DMRT1: variants seen among roughly 807,000 people sequenced by gnomAD.
DMRT1 encodes the protein doublesex- and mab-3-related transcription factor 1.
Under a neutral mutation model 32.3 loss-of-function variants are expected in DMRT1, and 7 were observed. The ratio of observed to expected loss-of-function variants is 0.22; its 90% confidence interval spans 0.12 to 0.41. DMRT1 has a LOEUF of 0.41. DMRT1 is among the 10% of genes least tolerant of loss of function. The pLI, the probability that DMRT1 is intolerant of heterozygous loss-of-function variation, is 1.00. For missense variants in DMRT1, 625 were observed against 500.5 expected, an observed-to-expected ratio of 1.25 and a Z score of -2.37; for synonymous variants, 278 against 206.1, an observed-to-expected ratio of 1.35 and a Z score of -2.99.
At chr9:877,851 G>T (rs536364796) in intron 2 of DMRT1, among the ~76,000 whole-genome samples, 2 of 152,268 alleles carry the variant, frequency 1.3e-5, no homozygotes, top group African/African-American at 4.8e-5. Context: ...GTCCATGGAG[G>T]TGAGAAAAGT....
intron 4 of DMRT1, among the ~76,000 whole-genome samples, chr9:966,197 C>CT (rs1819925535): frequency 6.6e-6 from 1 of 152,122 alleles, no homozygotes; most frequent in African/African-American, 2.4e-5. Context: ...AATTTAAATG[C>CT]ATATAACAAT....
chr9:850,085 C>G (rs1353932224), intron 2 of DMRT1, among the ~76,000 whole-genome samples: 1 of 152,202 alleles, frequency 6.6e-6, no homozygotes, highest in African/African-American at 2.4e-5. Flanking sequence ...TCCCAAAGTT[C>G]TGGGATTACA....
intron 3 of DMRT1, among the ~76,000 whole-genome samples, chr9:909,741 T>C (rs1475666574): frequency 6.6e-6 from 1 of 151,882 alleles, no homozygotes; most frequent in African/African-American, 2.4e-5. Context: ...TGAAACAGGG[T>C]CTTAATCTGT....
chr9:918,067 C>T (rs1413552759), intron 4 of DMRT1, among the ~76,000 whole-genome samples: 1 of 152,180 alleles, frequency 6.6e-6, no homozygotes, highest in African/African-American at 2.4e-5. Context: ...CTTATAAGCT[C>T]CCTAAGGACA....
chr9:893,870 C>G (rs376905445), intron 2 of DMRT1, 42 bp from the exon 3 acceptor site: 2 of 1,587,186 alleles, frequency 1.3e-6, no homozygotes, highest in Non-Finnish European at 1.7e-6. Flanking sequence ...CGTGGACTAA[C>G]ATTAATACCA....
chr9:859,765 A>G (rs550267665), intron 2 of DMRT1, among the ~76,000 whole-genome samples: 20 of 152,190 alleles, frequency 1.3e-4, no homozygotes, highest in Non-Finnish European at 2.5e-4. Flanking sequence ...AAAATGTGTA[A>G]GAAACTCTTA....
chr9:919,425 A>AGGG (rs147912794), intron 4 of DMRT1, among the ~76,000 whole-genome samples: 20 of 52,480 alleles, frequency 3.8e-4, no homozygotes, highest in African/African-American at 1.3e-3. Context: ...GGGCGGGGGG[A>AGGG]GGGGGGCATT....
intron 3 of DMRT1, among the ~76,000 whole-genome samples, chr9:911,712 G>C (rs1817994981): frequency 6.6e-6 from 1 of 152,092 alleles, no homozygotes; most frequent in Non-Finnish European, 1.5e-5. Flanking sequence ...GGCTGGTCTT[G>C]AACTCCTGAC....
At chr9:882,155 G>C (rs1287235897) in intron 2 of DMRT1, among the ~76,000 whole-genome samples, 1 of 152,234 alleles carries the variant, frequency 6.6e-6, no homozygotes, top group Non-Finnish European at 1.5e-5. Context: ...GGGAGAGGCA[G>C]AAACCCCTGC....
intron 1 of DMRT1, among the ~76,000 whole-genome samples, chr9:846,363 A>G (rs1838904361): frequency 6.6e-6 from 1 of 152,054 alleles, no homozygotes; most frequent in Non-Finnish European, 1.5e-5. Flanking sequence ...TAAGTAATGT[A>G]GGATACAATC....
chr9:950,142 T>C (rs906393778), intron 4 of DMRT1, among the ~76,000 whole-genome samples: 1 of 152,016 alleles, frequency 6.6e-6, no homozygotes, highest in Non-Finnish European at 1.5e-5. Flanking sequence ...AGTGGAAAGA[T>C]GTGGGAATTT....
intron 2 of DMRT1, among the ~76,000 whole-genome samples, chr9:878,200 GCC>G: frequency 1.1e-5 from 1 of 94,076 alleles, no homozygotes; most frequent in South Asian, 4.4e-4. Context: ...TGCAGCTGCT[GCC>G]CCCCCCCCAC....
intron 4 of DMRT1, among the ~76,000 whole-genome samples, chr9:918,217 C>G (rs549837200): frequency 5.9e-5 from 9 of 152,334 alleles, no homozygotes; most frequent in African/African-American, 1.9e-4. Context: ...AGGTCAGAAT[C>G]CTAACTGGCC....
intron 2 of DMRT1, among the ~76,000 whole-genome samples, chr9:885,667 G>A (rs945479661): frequency 2.6e-5 from 4 of 152,192 alleles, no homozygotes; most frequent in Admixed American, 1.3e-4. Flanking sequence ...CAGGATGGAG[G>A]CATGGTGGTC....
rs534855771 is a variant in DMRT1, at chr9:895,677, T to C, written c.822+1482T>C. On this transcript the variant is annotated intron_variant, in intron 3 of 4. Transcript: ENST00000382276. ...TCACCTCACATAGTTACCATTTTTA[T>C]GTGTGTGGTTGATAACACTTAAGAT... Among the ~76,000 whole-genome samples, 13 of 152,348 alleles carry C rather than the reference T, an allele frequency of 8.5e-5. No homozygotes were observed. In the South Asian group the frequency reaches 2.3e-3, roughly 27 times the overall value.
At chr9:852,388 A>G (rs906685440) in intron 2 of DMRT1, among the ~76,000 whole-genome samples, 1 of 149,260 alleles carries the variant, frequency 6.7e-6, no homozygotes, top group Non-Finnish European at 1.5e-5. Flanking sequence ...GAACTTTAGC[A>G]TAAAATGTAC....
In DMRT1 at chr9:847,008, C is replaced by T. The variant is rs144994211; in HGVS notation, c.403C>T (p.His135Tyr). The change falls in exon 2 of 5, where the codon CAC (histidine) becomes TAC (tyrosine). Residue 135 changes from histidine (H) to tyrosine (Y), a missense_variant. By Grantham distance (83) the His-to-Tyr change is moderately conservative. Coordinates refer to ENST00000382276, the MANE Select transcript of DMRT1 (RefSeq NM_021951.3). ...QAQEEELGIS[H>Y]PIPLPSAAEL... ...CCAGGAGGAGGAATTGGGTATCAGCCACCCCATCCCACTGCCCAGTGCGGC... is the reference window on the plus strand; with the variant it reads ...CCAGGAGGAGGAATTGGGTATCAGCTACCCCATCCCACTGCCCAGTGCGGC... 3 of 1,614,140 alleles carry T rather than the reference C, an allele frequency of 1.9e-6. No homozygotes were observed. The highest frequency in any genetic ancestry group is 2.2e-5 in the East Asian group (1 of 44,862).
chr9:863,560 C>G (rs112155752), intron 2 of DMRT1, among the ~76,000 whole-genome samples: 43 of 152,298 alleles, frequency 2.8e-4, no homozygotes, highest in African/African-American at 7.9e-4. Context: ...CCTACTAACA[C>G]ACAGGGAGCT....
intron 1 of DMRT1, among the ~76,000 whole-genome samples, chr9:845,988 G>A (rs1426802606): frequency 6.7e-6 from 1 of 149,668 alleles, no homozygotes; most frequent in Non-Finnish European, 1.5e-5. Context: ...GTTGGTCTCA[G>A]TTTGCCTTTT....
Sources: gnomAD v4.1 joint callset for allele counts (sites outside exome capture counted in the v4.1 genomes callset) on GRCh38, gnomAD v4.1.1 for gene constraint, MANE v1.5 for transcripts, NCBI Gene and HGNC (gene_info 2026-07-23, HGNC 2026-07-21) for gene names.